The following DLGAP1 variants were observed in gnomAD, a reference collection of about 807,000 sequenced individuals.
The protein encoded by DLGAP1 is DLG associated protein 1.
DLGAP1 carries 11 observed loss-of-function variants against 90.8 expected under a neutral mutation model. The ratio of observed to expected loss-of-function variants is 0.12; its 90% CI spans 0.08 to 0.20. DLGAP1 has a LOEUF of 0.20. Among genes scored for constraint, DLGAP1 ranks in the 10% least tolerant of loss-of-function variants. The pLI is 1.00. For synonymous variants in DLGAP1, 558 were observed against 540.7 expected (o/e 1.03, Z -0.44); for missense variants, 1,050 against 1,333.8 (o/e 0.79, Z 3.31).
intron 6 of DLGAP1, among the ~76,000 whole-genome samples, chr18:3,731,105 T>C (rs1245652225): frequency 6.6e-6 from 1 of 152,150 alleles, no homozygotes; most frequent in Non-Finnish European, 1.5e-5. Context: ...TGCAATTATT[T>C]CAAAGCCAAA....
intron 4 of DLGAP1, among the ~76,000 whole-genome samples, chr18:3,863,786 C>G (rs2070227939): frequency 6.6e-6 from 1 of 152,236 alleles, no homozygotes; most frequent in Non-Finnish European, 1.5e-5. Flanking sequence ...GGCTCGGGAG[C>G]CTGCAACCTC....
At chr18:4,282,038 G>T (rs1327636485) in intron 1 of DLGAP1, among the ~76,000 whole-genome samples, 1 of 152,088 alleles carries the variant, frequency 6.6e-6, no homozygotes, top group Non-Finnish European at 1.5e-5. Flanking sequence ...ATTCCCAATT[G>T]TTATCAATGT....
intron 1 of DLGAP1, among the ~76,000 whole-genome samples, chr18:4,396,382 A>C (rs577181397): frequency 3.3e-5 from 5 of 152,340 alleles, no homozygotes; most frequent in East Asian, 3.9e-4. Context: ...CTGCAGTAGA[A>C]GTGTCCTTCA....
intron 1 of DLGAP1, among the ~76,000 whole-genome samples, chr18:4,377,253 C>T (rs1017875925): frequency 6.6e-6 from 1 of 152,102 alleles, no homozygotes; most frequent in African/African-American, 2.4e-5. Flanking sequence ...ATGCACCCTG[C>T]CTCTTGCAAA....
Position 3,629,437 on chromosome 18 carries a change from T to C in DLGAP1, c.1592-47189A>G, listed in dbSNP as rs927452333. Among the ~76,000 whole-genome samples the C allele has an allele frequency of 7.9e-5, 12 of 152,086 alleles. No individual in the cohort carries two copies. The South Asian group carries it at 8.3e-4, about 11-fold the overall frequency. On this transcript the variant is annotated intron_variant, in intron 7 of 12. Transcript: ENST00000315677. ...CTGTAATCCCAGCACTTTGGGAGGC[T>C]GAGGCGGGCGGATCACGAGGTCAGG...
At chr18:4,065,241 T>A (rs754612158) in intron 2 of DLGAP1, among the ~76,000 whole-genome samples, 1 of 152,120 alleles carries the variant, frequency 6.6e-6, no homozygotes, top group Non-Finnish European at 1.5e-5. Flanking sequence ...GGGCAAAATC[T>A]AGAAGCATTT....
chr18:3,747,772 A>T (rs1162292507), intron 5 of DLGAP1, among the ~76,000 whole-genome samples: 1 of 152,236 alleles, frequency 6.6e-6, no homozygotes, highest in Non-Finnish European at 1.5e-5. Flanking sequence ...AAGGAATTGA[A>T]TAGTTCTTCT....
At position 3,760,605 on chromosome 18, in the gene DLGAP1, C is replaced by A. The variant is rs535777335; in HGVS notation, c.1173-18093G>T. Among the ~76,000 whole-genome samples the A allele has an allele frequency of 2.6e-5, 4 of 152,166 alleles. No homozygotes were observed. In the East Asian group the frequency reaches 7.7e-4, roughly 29 times the overall value. On this transcript the variant is annotated intron_variant, in intron 5 of 12. Transcript: ENST00000315677. ...TGATCGCAGGAGGTCTGTGTGAGAA[C>A]GCGGTCATACACATGTGGGCAAATC...
intron 1 of DLGAP1, among the ~76,000 whole-genome samples, chr18:4,282,112 C>A (rs994004370): frequency 6.6e-6 from 1 of 152,114 alleles, no homozygotes; most frequent in African/African-American, 2.4e-5. Context: ...CGCCTGTAAT[C>A]CCAGCACTTT....
At chr18:3,698,938 A>G (rs2061185367) in intron 7 of DLGAP1, among the ~76,000 whole-genome samples, 1 of 151,836 alleles carries the variant, frequency 6.6e-6, no homozygotes. Context: ...CGATTTGGCT[A>G]TTGATACTTG....
At chr18:3,828,016 T>C (rs2067814349) in intron 4 of DLGAP1, among the ~76,000 whole-genome samples, 1 of 152,236 alleles carries the variant, frequency 6.6e-6, no homozygotes, top group South Asian at 2.1e-4. Flanking sequence ...GTAATACTTC[T>C]TGAATTGGGC....
intron 1 of DLGAP1, among the ~76,000 whole-genome samples, chr18:4,234,409 TATG>T (rs2078362023): frequency 6.6e-6 from 1 of 152,192 alleles, no homozygotes; most frequent in South Asian, 2.1e-4. Context: ...TGTGATTCAC[TATG>T]ATGATAACAC....
chr18:3,946,928 T>C (rs1386476850), intron 3 of DLGAP1, among the ~76,000 whole-genome samples: 1 of 152,194 alleles, frequency 6.6e-6, no homozygotes, highest in East Asian at 1.9e-4. Context: ...GAAGATACAT[T>C]TGTAGGATTT....
At chr18:4,138,173 C>T (rs1285164438) in intron 2 of DLGAP1, among the ~76,000 whole-genome samples, 1 of 152,084 alleles carries the variant, frequency 6.6e-6, no homozygotes, top group Non-Finnish European at 1.5e-5. Flanking sequence ...AAGTGGGCAT[C>T]CTATTCTTGC....
rs2078372219 is a variant in DLGAP1 at position 4,234,782 on chromosome 18, TTTC to T, written c.-266-83498_-266-83496del. Among the ~76,000 whole-genome samples the T allele has an allele frequency of 3.3e-5, 5 of 152,310 alleles. No homozygotes were observed. In the South Asian group the frequency reaches 1.0e-3, roughly 32 times the overall value. On this transcript the variant is annotated intron_variant, in intron 1 of 12. Transcript: ENST00000315677. ...TCAGCATCAACTCTCACTACACCCA[TTTC>T]AACTCACGGCAATTTGGATAGATGC...
At chr18:3,584,687 G>A (rs2055769320) in intron 7 of DLGAP1, among the ~76,000 whole-genome samples, 2 of 152,224 alleles carry the variant, frequency 1.3e-5, no homozygotes, top group African/African-American at 2.4e-5. Flanking sequence ...TTCCCTGGGT[G>A]GATGACTGGC....
At chr18:4,397,651 G>C (rs748593379) in intron 1 of DLGAP1, among the ~76,000 whole-genome samples, 12 of 152,094 alleles carry the variant, frequency 7.9e-5, no homozygotes, top group Non-Finnish European at 1.0e-4. Context: ...AGCTAATGGA[G>C]TAAAACTGTC....
intron 4 of DLGAP1, chr18:3,874,646 T>C: frequency 6.5e-7 from 1 of 1,535,524 alleles, no homozygotes; most frequent in Non-Finnish European, 8.7e-7. Flanking sequence ...TTATTCCAAA[T>C]GTATAAGAGC....
rs547383042 is a variant in DLGAP1, at chr18:3,667,105, G to T, written c.1591+62030C>A. Among the ~76,000 whole-genome samples the T allele has an allele frequency of 3.3e-3, 495 of 151,410 alleles. 3 individuals carry two copies. The highest frequency in any genetic ancestry group is 0.012 in the African/African-American group (475 of 41,234). ...AATTTTTTTTTTTTTGGGAGTCAGG[G>T]TCTCACTCTGTTGCCCAGGCTGGAG... On this transcript the variant is annotated intron_variant, in intron 7 of 12. Transcript: ENST00000315677.
Sources: allele counts gnomAD v4.1 joint callset (sites outside exome capture counted in the v4.1 genomes callset), GRCh38; gene constraint gnomAD v4.1.1; transcripts MANE v1.5; gene names NCBI Gene and HGNC (gene_info 2026-07-23, HGNC 2026-07-21).